CACNA2D3: variants seen among roughly 807,000 people sequenced by gnomAD.
CACNA2D3 encodes the protein voltage-dependent calcium channel subunit alpha-2/delta-3.
In CACNA2D3, 60 loss-of-function variants were observed where a neutral mutation model predicts 160.6. The observed-to-expected ratio is 0.37, with a 90% CI of 0.30 to 0.46. The LOEUF (loss-of-function observed/expected upper bound fraction) is 0.46. Among genes scored for constraint, CACNA2D3 ranks in the 20% least tolerant of loss-of-function variants. CACNA2D3 has a pLI of 1.00. For missense variants in CACNA2D3, 1,205 were observed against 1,365.0 expected (o/e 0.88, Z 1.85); for synonymous variants, 558 against 492.9 (o/e 1.13, Z -1.75).
chr3:54,535,167 A>G (rs1008045891), intron 5 of CACNA2D3, among the ~76,000 whole-genome samples: 4 of 152,216 alleles, frequency 2.6e-5, no homozygotes, highest in Non-Finnish European at 4.4e-5. Flanking sequence ...AACAGCATCA[A>G]TATCATCTGG....
At chr3:54,432,346 C>T (rs114334995) in intron 4 of CACNA2D3, among the ~76,000 whole-genome samples, 3,049 of 152,202 alleles carry the variant, frequency 0.02, 45 homozygotes, top group Non-Finnish European at 0.032. Context: ...TTTCAGATCT[C>T]TCGACTCACT....
intron 2 of CACNA2D3, among the ~76,000 whole-genome samples, chr3:54,234,408 G>A (rs997230492): frequency 2.0e-5 from 3 of 152,200 alleles, no homozygotes; most frequent in African/African-American, 7.2e-5. Context: ...CACTGTCGAT[G>A]GGAGTGTAAA....
At chr3:54,992,038 G>A (rs113120216) in intron 31 of CACNA2D3, among the ~76,000 whole-genome samples, 4 of 152,228 alleles carry the variant, frequency 2.6e-5, no homozygotes, top group African/African-American at 7.2e-5. Context: ...CAGTGTTGGG[G>A]TGATTCATGG....
chr3:54,350,117 T>G (rs1698526821), intron 3 of CACNA2D3, among the ~76,000 whole-genome samples: 1 of 152,206 alleles, frequency 6.6e-6, no homozygotes, highest in Admixed American at 6.5e-5. Context: ...CCTTCCCCCT[T>G]CCAGTTGAAA....
At chr3:54,665,379 C>G in intron 11 of CACNA2D3, among the ~76,000 whole-genome samples, 1 of 152,252 alleles carries the variant, frequency 6.6e-6, no homozygotes, top group East Asian at 1.9e-4. Context: ...GCAAAGCGGT[C>G]TGTCGCATAG....
chr3:55,024,450 A>G (rs1386576824), intron 35 of CACNA2D3, among the ~76,000 whole-genome samples: 1 of 152,096 alleles, frequency 6.6e-6, no homozygotes, highest in Non-Finnish European at 1.5e-5. Flanking sequence ...TTAAGAAGAG[A>G]GGCCTTTAGG....
At position 54,689,691 on chromosome 3, in the gene CACNA2D3, C is replaced by T. The variant is rs1263873333; in HGVS notation, c.1167+47450C>T. On this transcript the variant is annotated intron_variant, in intron 11 of 37. Coordinates refer to ENST00000474759, the MANE Select transcript of CACNA2D3 (RefSeq NM_018398.3). ...CTCAACAAGTGAATTAGTCAATCCT[C>T]GTGGCTCTACCTCCAGATATGCCGA... is the stretch of plus-strand genomic sequence containing the variant. Among the ~76,000 whole-genome samples the T allele has an allele frequency of 9.2e-5, 14 of 152,112 alleles. No individual in the cohort carries two copies. In the South Asian group the frequency reaches 2.5e-3, roughly 27 times the overall value.
chr3:55,034,247 T>C (rs1233251488), intron 35 of CACNA2D3, among the ~76,000 whole-genome samples: 1 of 152,042 alleles, frequency 6.6e-6, no homozygotes, highest in Non-Finnish European at 1.5e-5. Flanking sequence ...TTCAGTCTGA[T>C]AGATGAAAGA....
intron 4 of CACNA2D3, among the ~76,000 whole-genome samples, chr3:54,463,340 A>G (rs1180397808): frequency 6.6e-6 from 1 of 152,116 alleles, no homozygotes; most frequent in African/African-American, 2.4e-5. Context: ...TAGATTGGGG[A>G]AGTTCTCCTG....
intron 35 of CACNA2D3, among the ~76,000 whole-genome samples, chr3:55,050,314 C>G (rs1039464080): frequency 2.0e-5 from 3 of 151,932 alleles, no homozygotes; most frequent in Non-Finnish European, 4.4e-5. Context: ...GACAGAATCT[C>G]TCAGCATTTG....
intron 21 of CACNA2D3, among the ~76,000 whole-genome samples, chr3:54,884,577 C>T (rs1168907889): frequency 3.3e-5 from 5 of 152,186 alleles, no homozygotes; most frequent in Admixed American, 2.6e-4. Flanking sequence ...GCTGATAACC[C>T]ATTAAGATCA....
At chr3:54,288,768 A>G (rs1295864486) in intron 2 of CACNA2D3, among the ~76,000 whole-genome samples, 2 of 152,182 alleles carry the variant, frequency 1.3e-5, no homozygotes, top group Non-Finnish European at 2.9e-5. Context: ...CTGGTTCAAT[A>G]TACGCAAATC....
intron 11 of CACNA2D3, among the ~76,000 whole-genome samples, chr3:54,717,001 C>T (rs1559557333): frequency 6.6e-6 from 1 of 151,834 alleles, no homozygotes; most frequent in Non-Finnish European, 1.5e-5. Context: ...TTCATCATGC[C>T]TCCTTCTAGT....
At chr3:55,063,865 G>A (rs1489504373) in intron 35 of CACNA2D3, among the ~76,000 whole-genome samples, 1 of 152,222 alleles carries the variant, frequency 6.6e-6, no homozygotes, top group Non-Finnish European at 1.5e-5. Flanking sequence ...CAGATTAGCA[G>A]GGTTGGCTTC....
intron 27 of CACNA2D3, among the ~76,000 whole-genome samples, chr3:54,938,046 G>T (rs1701374007): frequency 1.3e-5 from 2 of 152,188 alleles, no homozygotes; most frequent in South Asian, 4.1e-4. Flanking sequence ...CAAGCATTAT[G>T]AAATCCCCGT....
chr3:54,602,385 C>G (rs901653769), intron 9 of CACNA2D3, among the ~76,000 whole-genome samples: 1 of 150,778 alleles, frequency 6.6e-6, no homozygotes, highest in Admixed American at 6.6e-5. Context: ...GTAGTCCCAG[C>G]TACTCGGGAG....
At chr3:54,143,705 T>TAGGG (rs75419376) in intron 2 of CACNA2D3, among the ~76,000 whole-genome samples, 32,365 of 151,928 alleles carry the variant, frequency 0.21, 3,454 homozygotes, top group South Asian at 0.25. Context: ...TTCACTGTGT[T>TAGGG]AGACAGGATG....
At chr3:54,308,179 T>G (rs1055087418) in intron 2 of CACNA2D3, among the ~76,000 whole-genome samples, 10 of 152,274 alleles carry the variant, frequency 6.6e-5, no homozygotes, top group African/African-American at 2.4e-4. Flanking sequence ...GTGTGGTGGT[T>G]AAGAGCATGG....
At chr3:54,981,254 G>T (rs1325994483) in intron 29 of CACNA2D3, among the ~76,000 whole-genome samples, 7 of 152,210 alleles carry the variant, frequency 4.6e-5, no homozygotes, top group African/African-American at 1.7e-4. Flanking sequence ...TTCTTGAACA[G>T]TGGTTTTATG....
Sources: allele counts gnomAD v4.1 joint callset (sites outside exome capture counted in the v4.1 genomes callset), GRCh38; gene constraint gnomAD v4.1.1; transcripts MANE v1.5; gene names NCBI Gene and HGNC (gene_info 2026-07-23, HGNC 2026-07-21).